BZW2: variants seen among roughly 807,000 people sequenced by gnomAD.
BZW2 encodes basic leucine zipper and W2 domains 2.
Under a neutral mutation model 53.2 loss-of-function variants are expected in BZW2, and 23 were observed. The ratio of observed to expected loss-of-function variants is 0.43; its 90% CI spans 0.31 to 0.61. The LOEUF (loss-of-function observed/expected upper bound fraction) is 0.61. Ranked by LOEUF, BZW2 falls within the 20% of genes least tolerant of loss-of-function variation. The pLI is 0.09. For synonymous variants in BZW2, 227 were observed against 186.4 expected, an observed-to-expected ratio of 1.22 and a Z score of -1.77; for missense variants, 409 against 503.1, an observed-to-expected ratio of 0.81 and a Z score of 1.79.
intron 1 of BZW2, 99 bp from the exon 2 acceptor site, chr7:16,665,338 A>G: frequency 7.3e-7 from 1 of 1,375,762 alleles, no homozygotes; most frequent in South Asian, 1.2e-5. Flanking sequence ...TTCAGTAATG[A>G]GTGAGGTTGA....
intron 1 of BZW2, among the ~76,000 whole-genome samples, chr7:16,656,969 A>G (rs1782140144): frequency 6.6e-6 from 1 of 152,196 alleles, no homozygotes; most frequent in Admixed American, 6.5e-5. Flanking sequence ...CCAACACAAG[A>G]CATCCCAGGA....
At chr7:16,697,980 A>C in intron 9 of BZW2, 68 bp from the exon 10 acceptor site, 1 of 1,575,968 alleles carries the variant, frequency 6.3e-7, no homozygotes, top group Non-Finnish European at 8.7e-7. Flanking sequence ...TTACTGTTAT[A>C]GTTCCAGCAG....
At chr7:16,659,914 A>G (rs1390866101) in intron 1 of BZW2, among the ~76,000 whole-genome samples, 4 of 151,416 alleles carry the variant, frequency 2.6e-5, no homozygotes, top group African/African-American at 7.3e-5. Flanking sequence ...GGTTTGTTAC[A>G]TATGTATACA....
intron 7 of BZW2, among the ~76,000 whole-genome samples, chr7:16,693,173 G>A (rs1441018329): frequency 6.6e-6 from 1 of 152,188 alleles, no homozygotes; most frequent in Non-Finnish European, 1.5e-5. Flanking sequence ...AGACTCAGGA[G>A]CAAGAGCAAA....
chr7:16,656,553 GCGCACACA>G lies in BZW2; in HGVS notation c.-7-8882_-7-8875del, dbSNP rs1782128394. Among the ~76,000 whole-genome samples the G allele has an allele frequency of 5.0e-5, 6 of 119,918 alleles. No homozygotes were observed. In the South Asian group the frequency reaches 1.1e-3, roughly 21 times the overall value. The allele number at this position is 119,918 out of a possible 152,430, so 78.7% of individuals were successfully genotyped here. ...TCATCAAGCACTCCCCAGCGCGCGC[GCGCACACA>G]CACACACACACACACACACACACAC... On this transcript the variant is annotated intron_variant, in intron 1 of 11. Transcript: ENST00000258761.
Position 16,698,099 on chromosome 7 carries a change from A to C in BZW2, c.1021A>C (p.Ile341Leu). The C allele has an allele frequency of 6.2e-7, 1 of 1,614,168 alleles. No homozygotes were observed. The highest frequency in any genetic ancestry group is 1.1e-5 in the South Asian group (1 of 91,084). ...CAGCTCCCAAGGCCAGTCAGAGCTG[A>C]TCCTCCTCCAGAAGGTTCAGGAATA... is the stretch of plus-strand genomic sequence containing the variant. ...VFSSQGQSEL[I>L]LLQKVQEYCY... The change falls in exon 10 of 12, where the codon ATC becomes CTC. Residue 341 changes from isoleucine to leucine, a missense_variant. Around this residue, in one of 3 missense-constraint regions of BZW2, gnomAD observed 88 missense variants for 114.6 expected, o/e 0.77. Coordinates refer to ENST00000258761, the MANE Select transcript of BZW2 (RefSeq NM_014038.3).
chr7:16,674,738 A>G, intron 3 of BZW2, 150 bp downstream of exon 3: 1 of 700,264 alleles, frequency 1.4e-6, no homozygotes, highest in Non-Finnish European at 2.1e-6. Context: ...CTGGTTTAGG[A>G]TTTGGAATGG....
At chr7:16,663,961 G>T (rs571818946) in intron 1 of BZW2, among the ~76,000 whole-genome samples, 1 of 152,126 alleles carries the variant, frequency 6.6e-6, no homozygotes, top group African/African-American at 2.4e-5. Context: ...GTCCATTAAG[G>T]TAAACCAAAA....
intron 10 of BZW2, among the ~76,000 whole-genome samples, chr7:16,699,275 T>G (rs1473420811): frequency 6.6e-6 from 1 of 152,162 alleles, no homozygotes; most frequent in Middle Eastern, 3.2e-3. Flanking sequence ...TGGGTCTTCT[T>G]GGATTTAGTC....
intron 3 of BZW2, among the ~76,000 whole-genome samples, chr7:16,678,248 G>A (rs1782828386): frequency 6.6e-6 from 1 of 151,820 alleles, no homozygotes; most frequent in African/African-American, 2.4e-5. Context: ...TAGGGATGGG[G>A]TTTCCACCAT....
At chr7:16,672,722 C>T (rs1341010732) in intron 2 of BZW2, among the ~76,000 whole-genome samples, 1 of 152,148 alleles carries the variant, frequency 6.6e-6, no homozygotes, top group Non-Finnish European at 1.5e-5. Context: ...GGTTTGTCAT[C>T]TTCACTTCTT....
chr7:16,695,040 A>G lies in BZW2; in HGVS notation c.822+36A>G, dbSNP rs1270981425. On this transcript the variant is annotated intron_variant, in intron 8 of 11. Transcript: ENST00000258761. ...ACGGGCAGACATCACCTCAATACAC[A>G]TGAATGAGAGGAATTACATGGGCTG... 7 of 1,484,454 alleles carry G rather than the reference A, an allele frequency of 4.7e-6. 1 individual carries two copies. The Admixed American group carries it at 7.6e-5, about 16-fold the overall frequency. 92.0% of individuals were successfully genotyped at this position (1,484,454 alleles called of 1,614,324 possible). A position where few individuals can be genotyped will look rare whatever the true frequency, so the allele number is the denominator to read the frequency against.
At chr7:16,698,239 AGAGGCAGAGCAGGCAAT>A in intron 10 of BZW2, 53 bp downstream of exon 10, 2 of 1,607,334 alleles carry the variant, frequency 1.2e-6, no homozygotes, top group African/African-American at 1.3e-5. Flanking sequence ...AAGCTCTTTG[AGAGGCAGAGCAGGCAAT>A]GAGGCAGAGG....
intron 8 of BZW2, 63 bp from the exon 9 acceptor site, chr7:16,696,852 A>G: frequency 6.4e-7 from 1 of 1,552,876 alleles, no homozygotes; most frequent in Non-Finnish European, 8.8e-7. Context: ...CTGGGCAGCT[A>G]GCGGGGAGAT....
intron 5 of BZW2, among the ~76,000 whole-genome samples, 190 bp from the exon 6 acceptor site, chr7:16,685,715 A>G (rs1239588285): frequency 6.6e-6 from 1 of 152,086 alleles, no homozygotes; most frequent in East Asian, 1.9e-4. Context: ...TGCCTGCTCA[A>G]GTCACTTTCC....
At chr7:16,646,656 G>A (rs1781871495) in intron 1 of BZW2, among the ~76,000 whole-genome samples, 2 of 152,182 alleles carry the variant, frequency 1.3e-5, no homozygotes, top group South Asian at 4.1e-4. Context: ...GGGCTAGGTA[G>A]GGGTCGCAAG....
chr7:16,647,642 T>C (rs1227130769), intron 1 of BZW2, among the ~76,000 whole-genome samples: 2 of 152,232 alleles, frequency 1.3e-5, no homozygotes, highest in African/African-American at 4.8e-5. Flanking sequence ...GATGCTTTAA[T>C]AATGATGTGG....
At chr7:16,650,658 G>A (rs1182868029) in intron 1 of BZW2, among the ~76,000 whole-genome samples, 1 of 152,000 alleles carries the variant, frequency 6.6e-6, no homozygotes, top group African/African-American at 2.4e-5. Context: ...CTAGACTTTG[G>A]GATTTTACAA....
intron 6 of BZW2, among the ~76,000 whole-genome samples, chr7:16,689,436 C>A (rs899090075): frequency 6.6e-6 from 1 of 152,016 alleles, no homozygotes; most frequent in Non-Finnish European, 1.5e-5. Flanking sequence ...GCCTCAAGAT[C>A]ACTGTTATAA....
Sources: gnomAD v4.1 joint callset for allele counts (sites outside exome capture counted in the v4.1 genomes callset) on GRCh38, gnomAD v4.1.1 for gene constraint, gnomAD v4.1.1 regional missense constraint, MANE v1.5 for transcripts, NCBI Gene and HGNC (gene_info 2026-07-23, HGNC 2026-07-21) for gene names.